PLSCR1: variants seen among roughly 807,000 people sequenced by gnomAD.
PLSCR1 encodes the protein phospholipid scramblase 1.
A neutral mutation model predicts 37.8 loss-of-function variants in PLSCR1; 17 were observed. The ratio of observed to expected loss-of-function variants is 0.45; its 90% CI spans 0.31 to 0.68. The LOEUF is 0.68. PLSCR1 is among the 30% of genes least tolerant of loss of function. The probability of loss-of-function intolerance (pLI) is 0.06; values close to 1 mark genes in which losing one functional copy is unlikely to be tolerated. For missense variants in PLSCR1, 347 were observed against 380.9 expected (o/e 0.91, Z 0.74); for synonymous variants, 116 against 125.9 (o/e 0.92, Z 0.53).
chr3:146,522,327 T>A (rs1418601840), intron 5 of PLSCR1, among the ~76,000 whole-genome samples: 1 of 152,142 alleles, frequency 6.6e-6, no homozygotes, highest in Admixed American at 6.5e-5. Context: ...CATAAGAGAC[T>A]CCATTTTGTT....
At chr3:146,530,364 A>G (rs1240927861) in intron 3 of PLSCR1, among the ~76,000 whole-genome samples, 1 of 152,218 alleles carries the variant, frequency 6.6e-6, no homozygotes, top group South Asian at 2.1e-4. Flanking sequence ...TGATGAATGA[A>G]TATTTACAAA....
chr3:146,532,390 C>A (rs1201654376), intron 3 of PLSCR1, among the ~76,000 whole-genome samples: 1 of 152,180 alleles, frequency 6.6e-6, no homozygotes, highest in African/African-American at 2.4e-5. Flanking sequence ...CCTTGAGTCC[C>A]ACCACTGGAA....
intron 1 of PLSCR1, chr3:146,541,057 T>G (rs995858351): frequency 6.6e-6 from 1 of 152,084 alleles, no homozygotes; most frequent in Non-Finnish European, 1.5e-5. Flanking sequence ...GGTGAGGCTT[T>G]GAGTATACAG....
At chr3:146,527,554 G>A (rs959954579) in intron 4 of PLSCR1, among the ~76,000 whole-genome samples, 2 of 152,106 alleles carry the variant, frequency 1.3e-5, no homozygotes, top group Non-Finnish European at 2.9e-5. Context: ...AGCCATCAAA[G>A]AGATTTTTTT....
intron 7 of PLSCR1, 33 bp downstream of exon 7, chr3:146,521,511 A>G: frequency 6.3e-7 from 1 of 1,583,532 alleles, no homozygotes; most frequent in Non-Finnish European, 8.6e-7. Flanking sequence ...ATATTAGGAA[A>G]GCAAATCTTA....
chr3:146,530,712 A>C (rs746948140), intron 3 of PLSCR1, among the ~76,000 whole-genome samples: 1 of 152,250 alleles, frequency 6.6e-6, no homozygotes, highest in African/African-American at 2.4e-5. Context: ...GAGGAATGTC[A>C]TAAGAAAGAA....
intron 3 of PLSCR1, among the ~76,000 whole-genome samples, 163 bp downstream of exon 3, chr3:146,533,307 A>G (rs2044222591): frequency 6.6e-6 from 1 of 152,222 alleles, no homozygotes; most frequent in Non-Finnish European, 1.5e-5. Flanking sequence ...ATCAAGAACA[A>G]CTAGGCTGCC....
At chr3:146,516,982 C>T in intron 8 of PLSCR1, 24 bp downstream of exon 8, 1 of 1,431,876 alleles carries the variant, frequency 7.0e-7, no homozygotes, top group Non-Finnish European at 9.5e-7. Context: ...CATCTATAAT[C>T]AAGATTAATA....
At position 146,517,120 on chromosome 3, in the gene PLSCR1, G is replaced by A; in HGVS notation, c.786C>T (p.His262=). The change falls in exon 8 of 9, where the codon CAC becomes CAT. Residue 262 remains histidine, a synonymous_variant. Coordinates refer to ENST00000342435, the MANE Select transcript of PLSCR1 (RefSeq NM_021105.3). The stretch of plus-strand genomic sequence containing the variant: ...ATGCCTCTCTCAAAATTCCAGTCCA[G>A]TGCTTGGAAATTTTGCCAACCACAC... ...EQCVVGKISK[H]WTGILREAFT... 1 of 1,594,110 alleles carries A rather than the reference G, an allele frequency of 6.3e-7. No individual in the cohort carries two copies. Among genetic ancestry groups the A allele is most frequent in the Non-Finnish European group, 8.5e-7 (1 of 1,171,054 alleles).
intron 3 of PLSCR1, among the ~76,000 whole-genome samples, chr3:146,532,832 C>T (rs1263293021): frequency 6.6e-6 from 1 of 152,052 alleles, no homozygotes; most frequent in Non-Finnish European, 1.5e-5. Context: ...TTCTTTCAGG[C>T]ATTGGTTGAA....
rs564549246 is a variant in PLSCR1 at position 146,530,561 on chromosome 3, G to A, written c.95-1730C>T. Among the ~76,000 whole-genome samples the A allele has an allele frequency of 5.3e-5, 8 of 152,012 alleles. No homozygotes were observed. In the South Asian group the frequency reaches 1.5e-3, roughly 28 times the overall value. ...GGCAGGGTATGAGGCAGTTACTTTG[G>A]GTAAATATAATTTATATCAAGGTCT... On this transcript the variant is annotated intron_variant, in intron 3 of 8. Coordinates refer to ENST00000342435, the MANE Select transcript of PLSCR1 (RefSeq NM_021105.3).
At chr3:146,523,799 T>C (rs2044067209) in intron 5 of PLSCR1, among the ~76,000 whole-genome samples, 1 of 152,148 alleles carries the variant, frequency 6.6e-6, no homozygotes, top group Non-Finnish European at 1.5e-5. Context: ...GGGCTTTCCA[T>C]ATCTAACCAT....
intron 2 of PLSCR1, 116 bp from the exon 3 acceptor site, chr3:146,533,666 A>C: frequency 1.9e-6 from 1 of 518,006 alleles, no homozygotes; most frequent in Non-Finnish European, 3.2e-6. Context: ...GTATTGAAAT[A>C]GGGAAAGTAA....
intron 4 of PLSCR1, among the ~76,000 whole-genome samples, chr3:146,526,183 C>CAAAAAAAAAAAAAAAAAAAAAAAAAAA (rs60229241): frequency 2.6e-4 from 11 of 42,788 alleles, no homozygotes; most frequent in Admixed American, 3.3e-4. Context: ...GACTCCATCT[C>CAAAAAAAAAAAAAAAAAAAAAAAAAAA]AAAAAAAAAA....
intron 4 of PLSCR1, among the ~76,000 whole-genome samples, chr3:146,527,698 T>C (rs1056169407): frequency 3.7e-4 from 56 of 152,204 alleles, no homozygotes; most frequent in African/African-American, 1.2e-3. Context: ...AATATAATAA[T>C]GACCAAAAAT....
At chr3:146,531,476 G>A (rs1374053287) in intron 3 of PLSCR1, among the ~76,000 whole-genome samples, 16 of 152,180 alleles carry the variant, frequency 1.1e-4, no homozygotes, top group African/African-American at 3.4e-4. Flanking sequence ...AGACCAGTGG[G>A]GATATGGAGA....
At position 146,533,550 on chromosome 3, in the gene PLSCR1, T is replaced by A; in HGVS notation, c.14A>T (p.Asn5Ile). Reference protein sequence around the residue: MDKQNSQMNASHPET... With the variant: MDKQISQMNASHPET... ...CGGGTGAGAAGCATTCATCTGTGAG[T>A]CTGCAATTCAAGGAGAGGTAAATAG... The change falls in exon 3 of 9, where the codon AAC becomes ATC. Residue 5 changes from asparagine (N) to isoleucine (I), a missense_variant and splice_region_variant. By Grantham distance (149) the Asn-to-Ile change is moderately radical (BLOSUM62 -3). Coordinates refer to ENST00000342435, the MANE Select transcript of PLSCR1 (RefSeq NM_021105.3). 6.3e-7 allele frequency: 1 copy of A among 1,592,472 alleles called. No individual in the cohort carries two copies. The highest frequency in any genetic ancestry group is 8.6e-7 in the Non-Finnish European group (1 of 1,162,724).
chr3:146,531,968 A>C (rs947420256), intron 3 of PLSCR1, among the ~76,000 whole-genome samples: 10 of 152,176 alleles, frequency 6.6e-5, no homozygotes, highest in African/African-American at 2.2e-4. Context: ...TATTTACCTC[A>C]TAAGAGTATT....
intron 1 of PLSCR1, among the ~76,000 whole-genome samples, chr3:146,537,172 G>A (rs2044276802): frequency 6.6e-6 from 1 of 151,548 alleles, no homozygotes; most frequent in African/African-American, 2.4e-5. Flanking sequence ...CACAGCCATA[G>A]CACCTTGACC....
Sources: gnomAD v4.1 joint callset for allele counts (sites outside exome capture counted in the v4.1 genomes callset) on GRCh38, gnomAD v4.1.1 for gene constraint, MANE v1.5 for transcripts, NCBI Gene and HGNC (gene_info 2026-07-23, HGNC 2026-07-21) for gene names.